HECTD4: variants seen among roughly 807,000 people sequenced by gnomAD.
HECTD4 encodes HECT domain E3 ubiquitin protein ligase 4.
A neutral mutation model predicts 471.5 loss-of-function variants in HECTD4; 114 were observed. The observed-to-expected ratio is 0.24, with a 90% CI of 0.21 to 0.28. The LOEUF is 0.28. Ranked by LOEUF, HECTD4 falls within the 10% of genes least tolerant of loss-of-function variation. The pLI is 1.00. For missense variants in HECTD4, 3,866 were observed against 5,651.5 expected, an observed-to-expected ratio of 0.68 and a Z score of 10.13; for synonymous variants, 2,012 against 2,256.0, an observed-to-expected ratio of 0.89 and a Z score of 3.07.
chr12:112,240,100 TGAGAAACTCTA>T, intron 32 of HECTD4, 73 bp from the exon 33 acceptor site: 1 of 1,466,374 alleles, frequency 6.8e-7, no homozygotes. Flanking sequence ...AGAGGCCTCT[TGAGAAACTCTA>T]GAGTATCTGG....
intron 1 of HECTD4, among the ~76,000 whole-genome samples, chr12:112,347,740 A>G (rs1467215750): frequency 1.3e-5 from 2 of 152,230 alleles, no homozygotes; most frequent in Non-Finnish European, 2.9e-5. Flanking sequence ...GGTTTCCTAA[A>G]GCCAAGATGC....
In HECTD4 at chr12:112,173,973, T is replaced by C. The variant is rs2031337061; in HGVS notation, c.11595-1112A>G. Among the ~76,000 whole-genome samples, 1 of 151,842 alleles carries C rather than the reference T, an allele frequency of 6.6e-6. No individual in the cohort carries two copies. The highest frequency in any genetic ancestry group is 2.4e-5 in the African/African-American group (1 of 41,320). On this transcript the variant is annotated intron_variant, in intron 66 of 75. Coordinates refer to ENST00000682272, the MANE Select transcript of HECTD4 (RefSeq NM_001388303.1). This position sits in a 1 kb window ranked among gnomAD's most constrained non-coding sequence, Gnocchi z 4.3. The stretch of plus-strand genomic sequence containing the variant: ...AGCATGTTTTGGTAGCCATTTTCTT[T>C]CCTTTTCTTTTTTTTTTTTTTGAGT...
intron 1 of HECTD4, among the ~76,000 whole-genome samples, chr12:112,375,500 T>C (rs768793984): frequency 6.6e-6 from 1 of 152,182 alleles, no homozygotes; most frequent in Non-Finnish European, 1.5e-5. Context: ...TTAGCCACCT[T>C]GGGTAAGTCA....
In HECTD4 at chr12:112,166,474, C is replaced by T. The variant is rs1314934989; in HGVS notation, c.12534+843G>A. 4 of 152,294 alleles carry T rather than the reference C, an allele frequency of 2.6e-5. No individual in the cohort carries two copies. Among genetic ancestry groups the T allele is most frequent in the Admixed American group, 2.6e-4 (4 of 15,292 alleles). 9.4% of individuals were successfully genotyped at this position (152,294 alleles called of 1,614,324 possible). A position where few individuals can be genotyped will look rare whatever the true frequency, so the allele number is the denominator to read the frequency against. ...TCAGGCACGACGTCCACTCTCGTGG[C>T]CTTGAGGGGCGCTGGGTGGGACGTT... is the stretch of plus-strand genomic sequence containing the variant. On this transcript the variant is annotated intron_variant, in intron 72 of 75. Transcript: ENST00000682272. The surrounding 1 kb of genome is among the most constrained non-coding windows in gnomAD (Gnocchi z 4.6).
Position 112,382,271 on chromosome 12 carries a change from GC to G in HECTD4, c.-144del. 1.4e-6 allele frequency: 1 copy of G among 690,126 alleles called. No individual in the cohort carries two copies. Among genetic ancestry groups the G allele is most frequent in the Non-Finnish European group, 2.0e-6 (1 of 503,836 alleles). 42.8% of individuals were successfully genotyped at this position (690,126 alleles called of 1,614,324 possible). On this transcript the variant is annotated 5_prime_UTR_variant, in exon 1 of 76. Coordinates refer to ENST00000682272, the MANE Select transcript of HECTD4 (RefSeq NM_001388303.1). ...CTTGCTGCCTCGCCCGTGCAACTCC[GC>G]CCTAGGCGGTCCGAGTCGCCATACC...
intron 2 of HECTD4, among the ~76,000 whole-genome samples, chr12:112,315,065 G>A (rs182785195): frequency 7.9e-5 from 12 of 152,276 alleles, no homozygotes; most frequent in Non-Finnish European, 1.2e-4. Context: ...CCCTCTGACT[G>A]CACATAGTTG....
intron 1 of HECTD4, among the ~76,000 whole-genome samples, chr12:112,354,701 C>CA (rs930180175): frequency 6.6e-6 from 1 of 151,290 alleles, no homozygotes; most frequent in Admixed American, 6.6e-5. Context: ...AAAACAACAA[C>CA]ACACACACAC....
intron 55 of HECTD4, among the ~76,000 whole-genome samples, chr12:112,198,711 C>T (rs865884458): frequency 1.3e-5 from 2 of 152,078 alleles, no homozygotes; most frequent in Admixed American, 6.5e-5. Flanking sequence ...CCACCTCACA[C>T]GAGAAACTTT....
In HECTD4 at chr12:112,338,764, C is replaced by T. The variant is rs989939574; in HGVS notation, c.178-19022G>A. ...CTGCTTGGCTTCTGGGGAGGCCTTA[C>T]GGAGCTTTTACTTGTGGAGGAAGGT... On this transcript the variant is annotated intron_variant, in intron 1 of 75. Transcript: ENST00000682272. Among the ~76,000 whole-genome samples, 4 of 152,142 alleles carry T rather than the reference C, an allele frequency of 2.6e-5. No homozygotes were observed. The South Asian group carries it at 6.2e-4, about 24-fold the overall frequency.
chr12:112,169,652 A>G lies in HECTD4; in HGVS notation c.12059T>C (p.Ile4020Thr), dbSNP rs1186588570. 3 of 1,613,012 alleles carry G rather than the reference A, an allele frequency of 1.9e-6. No homozygotes were observed. The East Asian group carries it at 6.7e-5, about 36-fold the overall frequency. Residue 4020 changes from isoleucine to threonine, a missense_variant, in exon 70 of 76, where the codon ATC (isoleucine) becomes ACC (threonine). By Grantham distance (89) the Ile-to-Thr change is moderately conservative. This residue lies in a region of HECTD4 where 715 missense variants were observed against 1,087.6 expected (regional missense o/e 0.66). Coordinates refer to ENST00000682272, the MANE Select transcript of HECTD4 (RefSeq NM_001388303.1). ...LDPLEIVGGE[I>T]RASENSYFCQ... ...GAAGTAGGAGTTTTCAGAAGCTCTG[A>G]TTTCCCCTGGAAAGTGAGATGAGCT... is the stretch of plus-strand genomic sequence containing the variant.
chr12:112,288,908 C>G (rs1458732391), intron 7 of HECTD4, among the ~76,000 whole-genome samples: 1 of 152,158 alleles, frequency 6.6e-6, no homozygotes, highest in Admixed American at 6.6e-5. Flanking sequence ...TCATTGTTAC[C>G]TGAAGTTACT....
chr12:112,182,875 C>T (rs532941479), intron 62 of HECTD4, among the ~76,000 whole-genome samples, 184 bp downstream of exon 62: 19 of 152,356 alleles, frequency 1.2e-4, no homozygotes, highest in African/African-American at 4.6e-4. Flanking sequence ...GCCATCTCAC[C>T]AACACTCTCT....
rs146236402 is a variant in HECTD4, at chr12:112,206,876, C to T, written c.8131+998G>A. The stretch of plus-strand genomic sequence containing the variant: ...TTACACAAGGCCTAACTCCATCCCA[C>T]CTATCTACCATTCTTTTATTCACTG... On this transcript the variant is annotated intron_variant, in intron 52 of 75. Transcript: ENST00000682272. Among the ~76,000 whole-genome samples, 887 of 152,070 alleles carry T rather than the reference C, an allele frequency of 5.8e-3. 7 individuals carry two copies. Among genetic ancestry groups the T allele is most frequent in the African/African-American group, 0.019 (801 of 41,490 alleles).
chr12:112,162,588 G>A lies in HECTD4; in HGVS notation c.13121-65C>T. The A allele has an allele frequency of 1.9e-6, 3 of 1,601,102 alleles. No homozygotes were observed. The highest frequency in any genetic ancestry group is 1.7e-5 in the Admixed American group (1 of 59,128). ...ATCTGTGAGGCTCCCAGGGAAGCTG[G>A]GCTGGCCTCTGCTTCCAGGTTTGCC... On this transcript the variant is annotated intron_variant, in intron 75 of 75. Coordinates refer to ENST00000682272, the MANE Select transcript of HECTD4 (RefSeq NM_001388303.1). The surrounding 1 kb of genome is among the most constrained non-coding windows in gnomAD (Gnocchi z 5.2).
At chr12:112,226,939 T>C in intron 43 of HECTD4, 181 bp from the exon 44 acceptor site, 1 of 474,002 alleles carries the variant, frequency 2.1e-6, no homozygotes, top group South Asian at 4.3e-5. Flanking sequence ...ATAACTTCTC[T>C]TTTGCCACAC....
intron 48 of HECTD4, among the ~76,000 whole-genome samples, chr12:112,214,819 G>A (rs532369046): frequency 6.6e-6 from 1 of 152,260 alleles, no homozygotes; most frequent in Admixed American, 6.5e-5. Context: ...GCCCTGAAAT[G>A]ATTTCCAAGT....
rs780786234 is a variant in HECTD4, at chr12:112,261,371, A to T, written c.2807T>A (p.Val936Glu). 3.1e-6 allele frequency: 5 copies of T among 1,611,904 alleles called. No homozygotes were observed. In the Admixed American group the frequency reaches 8.3e-5, roughly 27 times the overall value. ...TGTGACCTGCTGTAGCATTTCCAAC[A>T]CTTCATCACATCCAGTCAGGATTTG... ...ATQILTGCDE[V>E]LEMLQQVTTA... Residue 936 changes from valine to glutamate, a missense_variant, in exon 18 of 76, where the codon GTG becomes GAG. Physicochemically the swap from Val to Glu is moderately radical, Grantham distance 121 (BLOSUM62 -2). Transcript: ENST00000682272.
At chr12:112,347,833 C>T (rs1719828787) in intron 1 of HECTD4, among the ~76,000 whole-genome samples, 1 of 152,216 alleles carries the variant, frequency 6.6e-6, no homozygotes, top group Non-Finnish European at 1.5e-5. Context: ...TTAGCCCAAG[C>T]TGTGTTTGCT....
intron 6 of HECTD4, among the ~76,000 whole-genome samples, chr12:112,308,270 A>G (rs1455960893): frequency 6.6e-6 from 1 of 152,236 alleles, no homozygotes; most frequent in African/African-American, 2.4e-5. Context: ...AGCAAGTGCC[A>G]TGGCAGAGTG....
Sources: allele counts gnomAD v4.1 joint callset (sites outside exome capture counted in the v4.1 genomes callset), GRCh38; gene constraint gnomAD v4.1.1; regional missense constraint gnomAD v4.1.1; non-coding constraint Gnocchi (gnomAD v3.1); transcripts MANE v1.5; gene names NCBI Gene and HGNC (gene_info 2026-07-23, HGNC 2026-07-21).